Variants in SLC35E3 observed in about 807,000 individuals in gnomAD.
SLC35E3 encodes the protein bladder cancer-overexpressed gene 1 protein.
Under a neutral mutation model 30.8 loss-of-function variants are expected in SLC35E3, and 28 were observed. That is an observed-to-expected ratio of 0.91 (90% confidence interval 0.67 to 1.25). The LOEUF (loss-of-function observed/expected upper bound fraction) is 1.25. Ranked by LOEUF, SLC35E3 falls within the 50% of genes most tolerant of loss-of-function variation. The pLI, the probability that SLC35E3 is intolerant of heterozygous loss-of-function variation, is 0.00. For synonymous variants in SLC35E3, 146 were observed against 149.2 expected (o/e 0.98, Z 0.16); for missense variants, 365 against 375.4 (o/e 0.97, Z 0.23).
rs1195756472 is a variant in SLC35E3, at chr12:68,776,874, C to T, written c.*11984C>T. On this transcript the variant is annotated 3_prime_UTR_variant, in exon 5 of 5. Coordinates refer to ENST00000398004, the MANE Select transcript of SLC35E3 (RefSeq NM_018656.5). ...AGTTCCAGCCAGGAACAGACTTTCC[C>T]ACCAAGTGGGAGGTGGTCTACCTGC... The T allele has an allele frequency of 1.3e-5, 2 of 152,170 alleles. No homozygotes were observed. Among genetic ancestry groups the T allele is most frequent in the Non-Finnish European group, 2.9e-5 (2 of 68,076 alleles). 9.4% of individuals were successfully genotyped at this position (152,170 alleles called of 1,614,324 possible).
rs1002279362 is a variant in SLC35E3 at position 68,780,335 on chromosome 12, ATT to A, written c.*15451_*15452del. Reference sequence around the variant, plus strand: ...AGGCATGCACCACCACACCTGGCTAATTTTTTTATATTTTGTTTGTAGAGATG... The same window carrying A: ...AGGCATGCACCACCACACCTGGCTAATTTTTATATTTTGTTTGTAGAGATG... On this transcript the variant is annotated 3_prime_UTR_variant, in exon 5 of 5. Coordinates refer to ENST00000398004, the MANE Select transcript of SLC35E3 (RefSeq NM_018656.5). 6.6e-6 allele frequency: 1 copy of A among 151,500 alleles called. No homozygotes were observed. The highest frequency in any genetic ancestry group is 2.4e-5 in the African/African-American group (1 of 41,176). The allele number at this position is 151,500 out of a possible 1,614,324, so 9.4% of individuals were successfully genotyped here. A position where few individuals can be genotyped will look rare whatever the true frequency, so the allele number is the denominator to read the frequency against.
Position 68,775,663 on chromosome 12 carries a change from T to C in SLC35E3, c.*10773T>C, listed in dbSNP as rs1879719318. ...CTACAGCACTGGTTAAAAATAAAAA[T>C]AGGGCCTGGCGTGGTGGCTCACGCC... On this transcript the variant is annotated 3_prime_UTR_variant, in exon 5 of 5. Transcript: ENST00000398004. The C allele has an allele frequency of 6.6e-6, 1 of 152,064 alleles. No individual in the cohort carries two copies. The highest frequency in any genetic ancestry group is 1.5e-5 in the Non-Finnish European group (1 of 68,036). 9.4% of individuals were successfully genotyped at this position (152,064 alleles called of 1,614,324 possible).
chr12:68,751,904 T>A (rs1275470656), intron 2 of SLC35E3, 128 bp from the exon 3 acceptor site: 4 of 828,148 alleles, frequency 4.8e-6, no homozygotes, highest in Non-Finnish European at 7.2e-6. Context: ...TCTTGTAGAA[T>A]AATTAGACAT....
At position 68,746,439 on chromosome 12, in the gene SLC35E3, A is replaced by G. The variant is rs202209303; in HGVS notation, c.62A>G (p.Asn21Ser). ...CGAATCGCCGCCGGGCTCCTGTTCA[A>G]CCTGCTGGTGTCCATCTGCATTGTG... ...HWRIAAGLLF[N>S]LLVSICIVFL... The change falls in exon 1 of 5, where the codon AAC becomes AGC. Residue 21 changes from asparagine (N) to serine (S), a missense_variant. Coordinates refer to ENST00000398004, the MANE Select transcript of SLC35E3 (RefSeq NM_018656.5). 2 of 1,613,688 alleles carry G rather than the reference A, an allele frequency of 1.2e-6. No individual in the cohort carries two copies. The highest frequency in any genetic ancestry group is 1.1e-5 in the South Asian group (1 of 91,058).
Position 68,778,740 on chromosome 12 carries a change from T to C in SLC35E3, c.*13850T>C, listed in dbSNP as rs1879807802. 1 of 144,982 alleles carries C rather than the reference T, an allele frequency of 6.9e-6. No individual in the cohort carries two copies. The highest frequency in any genetic ancestry group is 6.9e-5 in the Admixed American group (1 of 14,404). 9.0% of individuals were successfully genotyped at this position (144,982 alleles called of 1,614,324 possible). A position where few individuals can be genotyped will look rare whatever the true frequency, so the allele number is the denominator to read the frequency against. ...GGAGGGTAGAGGTTGCAGTGAACCATGGTCGCACCACTTCACTCCAGCCTG... is the reference window on the plus strand; with the variant it reads ...GGAGGGTAGAGGTTGCAGTGAACCACGGTCGCACCACTTCACTCCAGCCTG... On this transcript the variant is annotated 3_prime_UTR_variant, in exon 5 of 5. Coordinates refer to ENST00000398004, the MANE Select transcript of SLC35E3 (RefSeq NM_018656.5).
chr12:68,748,126 T>C (rs1457212837), intron 2 of SLC35E3, 86 bp downstream of exon 2: 1 of 760,624 alleles, frequency 1.3e-6, no homozygotes, highest in Non-Finnish European at 2.3e-6. Flanking sequence ...AAATACAGTA[T>C]AGAGACAATA....
Position 68,752,058 on chromosome 12 carries a change from A to G in SLC35E3, c.540A>G (p.Leu180=), listed in dbSNP as rs757739377. ...QVWVGAKQHE[L]QVNSMQLLYY... The stretch of plus-strand genomic sequence containing the variant: ...GGGTAGGAGCCAAACAGCATGAATT[A>G]CAAGTGAACTCAATGCAGCTGCTGT... The change falls in exon 3 of 5, where the codon TTA becomes TTG. Residue 180 remains leucine, a synonymous_variant. Transcript: ENST00000398004. 5.6e-6 allele frequency: 9 copies of G among 1,607,188 alleles called. No individual in the cohort carries two copies. The highest frequency in any genetic ancestry group is 7.6e-6 in the Non-Finnish European group (9 of 1,178,152).
chr12:68,752,480 C>A (rs1878841131), intron 3 of SLC35E3, among the ~76,000 whole-genome samples: 1 of 152,128 alleles, frequency 6.6e-6, no homozygotes, highest in South Asian at 2.1e-4. Flanking sequence ...CTAGAGCCCA[C>A]AAATAATTTG....
intron 1 of SLC35E3, 60 bp from the exon 2 acceptor site, chr12:68,747,870 A>G (rs1878652203): frequency 1.2e-6 from 1 of 809,822 alleles, no homozygotes; most frequent in Non-Finnish European, 2.1e-6. Context: ...TGTGAAAGGA[A>G]TACTAAATTT....
chr12:68,753,868 T>G (rs950486060), intron 3 of SLC35E3, among the ~76,000 whole-genome samples: 4 of 152,048 alleles, frequency 2.6e-5, no homozygotes, highest in African/African-American at 9.7e-5. Context: ...TTCTTTTTTT[T>G]GAGATGGAGT....
Position 68,746,769 on chromosome 12 carries a change from A to G in SLC35E3, c.392A>G (p.Gln131Arg). 6.3e-7 allele frequency: 1 copy of G among 1,586,120 alleles called. No homozygotes were observed. The highest frequency in any genetic ancestry group is 8.6e-7 in the Non-Finnish European group (1 of 1,162,502). Residue 131 changes from glutamine to arginine, a missense_variant, in exon 1 of 5, where the codon CAG becomes CGG. Physicochemically the swap from Gln to Arg is conservative, Grantham distance 43 (BLOSUM62 1). Transcript: ENST00000398004. ...CAGAAAACCTTCTCCACCAGAATCC[A>G]GCTCACGCTGGTGAGTAGCTTCAGC... ...CYQKTFSTRI[Q>R]LTLIPITLGV...
intron 3 of SLC35E3, among the ~76,000 whole-genome samples, chr12:68,753,162 A>C (rs1878868680): frequency 1.3e-5 from 2 of 151,892 alleles, no homozygotes; most frequent in African/African-American, 4.8e-5. Flanking sequence ...GCTTCCTGTA[A>C]TCCCAGCTAC....
chr12:68,764,237 C>T (rs1484479680), intron 4 of SLC35E3, among the ~76,000 whole-genome samples: 1 of 152,180 alleles, frequency 6.6e-6, no homozygotes, highest in African/African-American at 2.4e-5. Flanking sequence ...TTGAGGCAGT[C>T]TTGTGTCTCT....
intron 2 of SLC35E3, among the ~76,000 whole-genome samples, chr12:68,750,145 G>C (rs1405214566): frequency 6.6e-6 from 1 of 152,132 alleles, no homozygotes; most frequent in Non-Finnish European, 1.5e-5. Context: ...GACTGAATGT[G>C]AGAGAGAGGA....
chr12:68,761,921 G>A (rs767487330), intron 4 of SLC35E3, among the ~76,000 whole-genome samples: 9 of 152,030 alleles, frequency 5.9e-5, no homozygotes, highest in Non-Finnish European at 8.8e-5. Flanking sequence ...AGGAGGTTTG[G>A]GGCTGGGGAG....
In SLC35E3 at chr12:68,768,956, A is replaced by G. The variant is rs938846211; in HGVS notation, c.*4066A>G. 1.3e-5 allele frequency: 2 copies of G among 152,240 alleles called. No individual in the cohort carries two copies. Among genetic ancestry groups the G allele is most frequent in the African/African-American group, 2.4e-5 (1 of 41,468 alleles). The allele number at this position is 152,240 out of a possible 1,614,324, so 9.4% of individuals were successfully genotyped here. On this transcript the variant is annotated 3_prime_UTR_variant, in exon 5 of 5. Transcript: ENST00000398004. ...TGAAATTGTATTTCAAAGCAGAAAC[A>G]TTAGGTTGGGTATGGTGGCTCACGC...
In SLC35E3 at chr12:68,746,771, C is replaced by T. The variant is rs755414351; in HGVS notation, c.394C>T (p.Leu132Phe). 1 of 1,584,986 alleles carries T rather than the reference C, an allele frequency of 6.3e-7. No homozygotes were observed. Among genetic ancestry groups the T allele is most frequent in the African/African-American group, 1.3e-5 (1 of 74,212 alleles). The change falls in exon 1 of 5, where the codon CTC (leucine) becomes TTC (phenylalanine). Residue 132 changes from leucine (L) to phenylalanine (F), a missense_variant. Transcript: ENST00000398004. ...YQKTFSTRIQ[L>F]TLIPITLGVI... ...GAAAACCTTCTCCACCAGAATCCAG[C>T]TCACGCTGGTGAGTAGCTTCAGCTT... is the stretch of plus-strand genomic sequence containing the variant.
At chr12:68,752,688 T>C (rs1878848709) in intron 3 of SLC35E3, among the ~76,000 whole-genome samples, 1 of 151,884 alleles carries the variant, frequency 6.6e-6, no homozygotes, top group Non-Finnish European at 1.5e-5. Flanking sequence ...CTGGGCAACA[T>C]AGGAAGACCT....
chr12:68,748,221 A>T (rs1318255537), intron 2 of SLC35E3, among the ~76,000 whole-genome samples, 181 bp downstream of exon 2: 1 of 152,180 alleles, frequency 6.6e-6, no homozygotes, highest in African/African-American at 2.4e-5. Flanking sequence ...TGGGTGTGTG[A>T]TGCTCACCAA....
Sources: gnomAD v4.1 joint callset for allele counts (sites outside exome capture counted in the v4.1 genomes callset) on GRCh38, gnomAD v4.1.1 for gene constraint, MANE v1.5 for transcripts, NCBI Gene and HGNC (gene_info 2026-07-23, HGNC 2026-07-21) for gene names.